VPS53: variants seen among roughly 807,000 people sequenced by gnomAD.
VPS53 encodes the protein VPS53 subunit of GARP complex.
In VPS53, 70 loss-of-function variants were observed where a neutral mutation model predicts 107.0. The ratio of observed to expected loss-of-function variants is 0.65; its 90% CI spans 0.54 to 0.80. The LOEUF (loss-of-function observed/expected upper bound fraction) is 0.80, where lower values mean the gene tolerates loss of function less well. VPS53 is among the 30% of genes least tolerant of loss of function. The pLI is 0.00. For synonymous variants in VPS53, 409 were observed against 393.3 expected, an observed-to-expected ratio of 1.04 and a Z score of -0.47; for missense variants, 917 against 1,049.4, an observed-to-expected ratio of 0.87 and a Z score of 1.74.
chr17:662,745 A>AAGAG (rs1971494449), intron 4 of VPS53, among the ~76,000 whole-genome samples: 1 of 36,750 alleles, frequency 2.7e-5, no homozygotes, highest in East Asian at 1.3e-3. Flanking sequence ...AAGAGAGACA[A>AAGAG]AGAAAGAGAA....
At chr17:694,925 A>T (rs1442592165) in intron 4 of VPS53, among the ~76,000 whole-genome samples, 1 of 152,160 alleles carries the variant, frequency 6.6e-6, no homozygotes, top group African/African-American at 2.4e-5. Context: ...GGCTGGTCTC[A>T]AACTCCTGGC....
intron 19 of VPS53, among the ~76,000 whole-genome samples, chr17:525,943 G>A (rs1366431942): frequency 7.0e-6 from 1 of 142,714 alleles, no homozygotes; most frequent in Non-Finnish European, 1.5e-5. Flanking sequence ...GTTGCAGTGA[G>A]CCGAGATCGC....
At position 520,078 on chromosome 17, in the gene VPS53, C is replaced by G. The variant is rs977272995; in HGVS notation, c.2224-148G>C. On this transcript the variant is annotated intron_variant, in intron 20 of 21. Coordinates refer to ENST00000437048, the MANE Select transcript of VPS53 (RefSeq NM_001128159.3). The surrounding 1 kb of genome is among the most constrained non-coding windows in gnomAD (Gnocchi z 4.4). ...GAAAACTCACTCCTCACTTGCCCGC[C>G]GAGCGCTAAATGGATTCTGAGAGGT... 15 of 623,056 alleles carry G rather than the reference C, an allele frequency of 2.4e-5. No individual in the cohort carries two copies. The highest frequency in any genetic ancestry group is 4.0e-5 in the Non-Finnish European group (14 of 350,980). The allele number at this position is 623,056 out of a possible 1,614,324, so 38.6% of individuals were successfully genotyped here.
intron 4 of VPS53, among the ~76,000 whole-genome samples, chr17:688,104 C>T (rs949681217): frequency 2.0e-5 from 3 of 152,162 alleles, no homozygotes; most frequent in Admixed American, 2.0e-4. Context: ...CCAAATATGC[C>T]GCAGACATGT....
chr17:527,794 T>C (rs182670902), intron 19 of VPS53, among the ~76,000 whole-genome samples: 1 of 152,290 alleles, frequency 6.6e-6, no homozygotes, highest in Admixed American at 6.5e-5. Flanking sequence ...AATTGTTTTG[T>C]AGAGATGGGG....
At chr17:675,347 GTTCCC>G (rs1359625322) in intron 4 of VPS53, 1 of 152,250 alleles carries the variant, frequency 6.6e-6, no homozygotes, top group East Asian at 1.9e-4. Flanking sequence ...TGTCGCGACC[GTTCCC>G]TTGTGACTAG....
At position 562,758 on chromosome 17, in the gene VPS53, A is replaced by AG; in HGVS notation, c.1314-14_1314-13insC. On this transcript the variant is annotated splice_polypyrimidine_tract_variant and intron_variant, in intron 13 of 21. Transcript: ENST00000437048. ...CTCTCCGAGGTTCCTAGGAGGAAAA[A>AG]AAAAAACCAAAAATGTTATTTTACT... is the stretch of plus-strand genomic sequence containing the variant. 3.2e-6 allele frequency: 5 copies of AG among 1,586,704 alleles called. No individual in the cohort carries two copies. Among genetic ancestry groups the AG allele is most frequent in the Non-Finnish European group, 3.4e-6 (4 of 1,168,958 alleles).
chr17:560,337 T>C lies in VPS53; in HGVS notation c.1704+89A>G, dbSNP rs1037865342. ...TCTGACCCAAGGTTGTCTGTGGCCA[T>C]GTTAGGACGTATATTCTTACTCGCC... On this transcript the variant is annotated intron_variant, in intron 15 of 21. Coordinates refer to ENST00000437048, the MANE Select transcript of VPS53 (RefSeq NM_001128159.3). 2.7e-5 allele frequency: 40 copies of C among 1,483,954 alleles called. No homozygotes were observed. The South Asian group carries it at 3.3e-4, about 12-fold the overall frequency. 91.9% of individuals were successfully genotyped at this position (1,483,954 alleles called of 1,614,324 possible).
intron 7 of VPS53, among the ~76,000 whole-genome samples, chr17:644,199 G>C (rs1308264665): frequency 2.0e-5 from 3 of 152,224 alleles, no homozygotes; most frequent in African/African-American, 7.2e-5. Context: ...TTGCCAGAAG[G>C]GTAGTTGGAA....
intron 13 of VPS53, among the ~76,000 whole-genome samples, chr17:563,227 A>G (rs1265020103): frequency 6.6e-6 from 1 of 151,340 alleles, no homozygotes; most frequent in Non-Finnish European, 1.5e-5. Context: ...TTTTCTGAAC[A>G]CTTGAGATGC....
intron 2 of VPS53, among the ~76,000 whole-genome samples, chr17:701,751 G>T (rs1973211697): frequency 6.6e-6 from 1 of 151,968 alleles, no homozygotes; most frequent in Non-Finnish European, 1.5e-5. Flanking sequence ...CTTTAAGATG[G>T]CGGCTCACTC....
rs1971037795 is a variant in VPS53, at chr17:653,334, G to A, written c.565C>T (p.His189Tyr). 1 of 1,614,100 alleles carries A rather than the reference G, an allele frequency of 6.2e-7. No individual in the cohort carries two copies. Among genetic ancestry groups the A allele is most frequent in the Non-Finnish European group, 8.5e-7 (1 of 1,180,042 alleles). ...QGVMNVLEHFHKYMGIPQIRQ... is the reference protein window; with the variant it reads ...QGVMNVLEHFYKYMGIPQIRQ... ...ATCTGCGGAATCCCCATATACTTGT[G>A]GAAGTGCTCCAGGACATTCATCACA... Residue 189 changes from histidine (H) to tyrosine (Y), a missense_variant, in exon 7 of 22, where the codon CAC becomes TAC. Transcript: ENST00000437048.
chr17:652,304 T>C (rs1970984882), intron 7 of VPS53, among the ~76,000 whole-genome samples: 1 of 152,184 alleles, frequency 6.6e-6, no homozygotes, highest in Non-Finnish European at 1.5e-5. Context: ...CGTGGCTCAC[T>C]GTATTTTCTA....
At chr17:624,261 T>C (rs1969595505) in intron 10 of VPS53, among the ~76,000 whole-genome samples, 1 of 152,170 alleles carries the variant, frequency 6.6e-6, no homozygotes, top group African/African-American at 2.4e-5. Flanking sequence ...CCTATATAAT[T>C]TCACAAGTCA....
chr17:713,379 G>A (rs1031590278), intron 1 of VPS53, among the ~76,000 whole-genome samples: 48 of 152,138 alleles, frequency 3.2e-4, no homozygotes, highest in African/African-American at 1.0e-3. Flanking sequence ...CTGACCGGGT[G>A]CAGTGGCTCA....
intron 5 of VPS53, 42 bp downstream of exon 5, chr17:661,767 C>T (rs1449518530): frequency 1.3e-6 from 2 of 1,530,554 alleles, no homozygotes; most frequent in Non-Finnish European, 1.8e-6. Flanking sequence ...AAGCTCACTT[C>T]CTCTTTTGGT....
chr17:672,136 A>ACACACG (rs1555578497), intron 4 of VPS53, among the ~76,000 whole-genome samples: 1 of 148,404 alleles, frequency 6.7e-6, no homozygotes, highest in Non-Finnish European at 1.5e-5. Context: ...ACACACACAC[A>ACACACG]CACACACACA....
chr17:571,678 G>A (rs1302173027), intron 13 of VPS53, among the ~76,000 whole-genome samples: 4 of 152,342 alleles, frequency 2.6e-5, no homozygotes, highest in Non-Finnish European at 4.4e-5. Context: ...GAGTGCCTGC[G>A]ATTGCAGGCG....
chr17:561,202 A>G (rs1301150589), intron 14 of VPS53, among the ~76,000 whole-genome samples: 3 of 152,198 alleles, frequency 2.0e-5, no homozygotes, highest in Non-Finnish European at 4.4e-5. Flanking sequence ...CAAGGCCCTA[A>G]GTGTCTCAAG....
Sources: gnomAD v4.1 joint callset for allele counts (sites outside exome capture counted in the v4.1 genomes callset) on GRCh38, gnomAD v4.1.1 for gene constraint, Gnocchi (gnomAD v3.1) non-coding constraint, MANE v1.5 for transcripts, NCBI Gene and HGNC (gene_info 2026-07-23, HGNC 2026-07-21) for gene names.